The following CDH4 variants were observed in gnomAD, a reference collection of about 807,000 sequenced individuals.
The protein encoded by CDH4 is cadherin-4.
CDH4 carries 33 observed loss-of-function variants against 86.0 expected under a neutral mutation model. The ratio of observed to expected loss-of-function variants is 0.38; its 90% CI spans 0.29 to 0.51. CDH4 has a LOEUF of 0.51. Among genes scored for constraint, CDH4 ranks in the 20% least tolerant of loss-of-function variants. The pLI, the probability that CDH4 is intolerant of heterozygous loss-of-function variation, is 0.86. For missense variants in CDH4, 1,114 were observed against 1,307.4 expected (o/e 0.85, Z 2.28); for synonymous variants, 555 against 549.4 (o/e 1.01, Z -0.14).
chr20:61,589,825 T>TA (rs372321209), intron 2 of CDH4, among the ~76,000 whole-genome samples: 1,344 of 133,352 alleles, frequency 0.01, 5 homozygotes, highest in Admixed American at 0.014. Context: ...TAATAATAAT[T>TA]AAAAAAAAAA....
intron 6 of CDH4, among the ~76,000 whole-genome samples, chr20:61,866,888 G>A (rs1944017019): frequency 6.6e-6 from 1 of 152,252 alleles, no homozygotes; most frequent in Non-Finnish European, 1.5e-5. Flanking sequence ...TGGCCGGAAA[G>A]CAGGGAGCGG....
chr20:61,753,608 C>G (rs1011010549), intron 3 of CDH4, among the ~76,000 whole-genome samples: 3 of 152,218 alleles, frequency 2.0e-5, no homozygotes, highest in African/African-American at 4.8e-5. Flanking sequence ...AGGAAACACT[C>G]GAGACCAAGC....
At chr20:61,840,827 C>G (rs751032253) in intron 4 of CDH4, among the ~76,000 whole-genome samples, 13 of 152,242 alleles carry the variant, frequency 8.5e-5, no homozygotes, top group Non-Finnish European at 1.5e-4. Context: ...AGCTGATGCT[C>G]AGAGCCCGTG....
chr20:61,721,734 G>A (rs1044038052), intron 2 of CDH4, among the ~76,000 whole-genome samples: 6 of 152,254 alleles, frequency 3.9e-5, no homozygotes, highest in South Asian at 2.1e-4. Flanking sequence ...CTTGGGGATC[G>A]GTCAAGGACC....
chr20:61,600,067 G>C, intron 2 of CDH4: 1 of 590,928 alleles, frequency 1.7e-6, no homozygotes, highest in Non-Finnish European at 2.1e-6. Context: ...CAGACTGTCT[G>C]ACTCTCCGGG....
At chr20:61,298,208 G>A (rs1230462466) in intron 2 of CDH4, among the ~76,000 whole-genome samples, 1 of 152,182 alleles carries the variant, frequency 6.6e-6, no homozygotes, top group East Asian at 1.9e-4. Flanking sequence ...GCCTAACCGT[G>A]GACACCAGCA....
At chr20:61,282,882 C>T (rs541823104) in intron 2 of CDH4, among the ~76,000 whole-genome samples, 49 of 151,872 alleles carry the variant, frequency 3.2e-4, no homozygotes, top group South Asian at 4.2e-4. Context: ...GTGTGATGTA[C>T]GTGCATTTGC....
At chr20:61,687,701 C>G (rs1321863261) in intron 2 of CDH4, among the ~76,000 whole-genome samples, 1 of 152,176 alleles carries the variant, frequency 6.6e-6, no homozygotes, top group Non-Finnish European at 1.5e-5. Flanking sequence ...TGCCTTAAGT[C>G]TGATCAAAGG....
At chr20:61,769,513 G>A (rs903813145) in intron 3 of CDH4, among the ~76,000 whole-genome samples, 1 of 152,192 alleles carries the variant, frequency 6.6e-6, no homozygotes, top group Non-Finnish European at 1.5e-5. Context: ...TCCAGCAAAG[G>A]GGATTCGACT....
chr20:61,602,231 A>C (rs2086606904), intron 2 of CDH4, among the ~76,000 whole-genome samples: 1 of 152,200 alleles, frequency 6.6e-6, no homozygotes, highest in East Asian at 1.9e-4. Flanking sequence ...ACCCCAAAGC[A>C]CACATTTTAT....
At chr20:61,730,965 C>T (rs1403653521) in intron 2 of CDH4, among the ~76,000 whole-genome samples, 2 of 152,106 alleles carry the variant, frequency 1.3e-5, no homozygotes, top group Admixed American at 1.3e-4. Context: ...TGGAAGGTAG[C>T]ACCCCTTCCT....
intron 6 of CDH4, among the ~76,000 whole-genome samples, chr20:61,860,901 C>T (rs951900443): frequency 6.6e-6 from 1 of 152,206 alleles, no homozygotes; most frequent in Admixed American, 6.5e-5. Flanking sequence ...CCACCCTTGT[C>T]CCCAGGGCAG....
chr20:61,707,669 TGAA>T (rs977484596), intron 2 of CDH4, among the ~76,000 whole-genome samples: 3 of 152,206 alleles, frequency 2.0e-5, no homozygotes, highest in Non-Finnish European at 2.9e-5. Context: ...TGGAAGATAA[TGAA>T]GACAATTTTT....
chr20:61,317,023 TTTTA>T (rs2084480264), intron 2 of CDH4, among the ~76,000 whole-genome samples: 1 of 151,874 alleles, frequency 6.6e-6, no homozygotes, highest in African/African-American at 2.4e-5. Context: ...CTTTTTTTTT[TTTTA>T]GTTTATTTAT....
intron 2 of CDH4, among the ~76,000 whole-genome samples, chr20:61,609,893 G>A (rs887680396): frequency 2.0e-5 from 3 of 152,002 alleles, no homozygotes; most frequent in Non-Finnish European, 4.4e-5. Flanking sequence ...ACATATTTTG[G>A]GGATATGTGA....
At chr20:61,534,689 A>ATTTTTTTTTTT (rs2085983190) in intron 2 of CDH4, among the ~76,000 whole-genome samples, 1 of 23,688 alleles carries the variant, frequency 4.2e-5, no homozygotes, top group African/African-American at 2.9e-4. Flanking sequence ...TTTTTTTTTG[A>ATTTTTTTTTTT]GGTGTTTTCC....
chr20:61,920,004 GTCACAGTGA>G (rs2054952835), intron 9 of CDH4, among the ~76,000 whole-genome samples: 7 of 16,342 alleles, frequency 4.3e-4, no homozygotes, highest in Admixed American at 1.2e-3. Context: ...GAAGTGTGGT[GTCACAGTGA>G]TTGCGTGGAA....
chr20:61,828,445 C>T (rs1437467855), intron 4 of CDH4, among the ~76,000 whole-genome samples: 1 of 152,190 alleles, frequency 6.6e-6, no homozygotes. Flanking sequence ...AACTGTAGGA[C>T]CAACGATCTG....
chr20:61,899,297 A>G (rs1181799048), intron 8 of CDH4, among the ~76,000 whole-genome samples: 1 of 146,852 alleles, frequency 6.8e-6, no homozygotes, highest in African/African-American at 2.7e-5. Flanking sequence ...AAAAAAAAAG[A>G]AAAGAAGAGG....
Sources: gnomAD v4.1 joint callset for allele counts (sites outside exome capture counted in the v4.1 genomes callset) on GRCh38, gnomAD v4.1.1 for gene constraint, MANE v1.5 for transcripts, NCBI Gene and HGNC (gene_info 2026-07-23, HGNC 2026-07-21) for gene names.